Variants in CDH13 observed in about 807,000 individuals in gnomAD.
The protein encoded by CDH13 is cadherin-13.
CDH13 carries 24 observed loss-of-function variants against 63.8 expected under a neutral mutation model. The observed-to-expected ratio is 0.38, with a 90% CI of 0.27 to 0.53. CDH13 has a LOEUF of 0.53. CDH13 is among the 20% of genes least tolerant of loss of function. CDH13 has a pLI of 0.85. For synonymous variants in CDH13, 503 were observed against 355.3 expected, an observed-to-expected ratio of 1.42 and a Z score of -4.67; for missense variants, 1,049 against 903.1, an observed-to-expected ratio of 1.16 and a Z score of -2.07.
At chr16:82,955,184 T>C (rs1002527006) in intron 2 of CDH13, among the ~76,000 whole-genome samples, 1 of 152,214 alleles carries the variant, frequency 6.6e-6, no homozygotes, top group African/African-American at 2.4e-5. Flanking sequence ...TTTGAGGAAC[T>C]GCCAGATTCT....
intron 10 of CDH13, among the ~76,000 whole-genome samples, chr16:83,738,938 A>G (rs531236749): frequency 6.6e-6 from 1 of 152,262 alleles, no homozygotes; most frequent in East Asian, 1.9e-4. Flanking sequence ...GAGAAATAGG[A>G]ATTTAGTGAT....
intron 4 of CDH13, among the ~76,000 whole-genome samples, chr16:83,129,763 ACAG>A (rs1055699148): frequency 1.3e-5 from 2 of 152,256 alleles, no homozygotes; most frequent in African/African-American, 4.8e-5. Context: ...AGGATTCTGT[ACAG>A]CAGCCACCAG....
At chr16:82,741,728 A>T (rs1320767672) in intron 1 of CDH13, among the ~76,000 whole-genome samples, 1 of 152,208 alleles carries the variant, frequency 6.6e-6, no homozygotes, top group Non-Finnish European at 1.5e-5. Flanking sequence ...TAAAGACACT[A>T]TAAACAAATA....
chr16:83,000,938 T>G (rs1286526659), intron 2 of CDH13, among the ~76,000 whole-genome samples: 2 of 152,220 alleles, frequency 1.3e-5, no homozygotes, highest in Non-Finnish European at 2.9e-5. Flanking sequence ...TATGCCTATT[T>G]GCTTTTCTCT....
chr16:82,953,621 G>A (rs796874669), intron 2 of CDH13: 31 of 152,274 alleles, frequency 2.0e-4, no homozygotes, highest in African/African-American at 6.3e-4. Context: ...TAAAACATGG[G>A]TGAGAAAATA....
chr16:82,914,378 A>T (rs1317126960), intron 2 of CDH13, among the ~76,000 whole-genome samples: 1 of 152,188 alleles, frequency 6.6e-6, no homozygotes, highest in Non-Finnish European at 1.5e-5. Context: ...TTACAGGGAG[A>T]AAAAAATGAG....
chr16:82,786,678 C>T (rs1435034506), intron 1 of CDH13, among the ~76,000 whole-genome samples: 1 of 130,174 alleles, frequency 7.7e-6, no homozygotes, highest in East Asian at 2.7e-4. Flanking sequence ...CAACAGGGCC[C>T]AGTGTGTGAT....
At chr16:83,235,515 G>C (rs1258481754) in intron 5 of CDH13, among the ~76,000 whole-genome samples, 1 of 151,766 alleles carries the variant, frequency 6.6e-6, no homozygotes, top group Non-Finnish European at 1.5e-5. Context: ...CCCAAAATCT[G>C]AGAAATGACC....
At chr16:83,391,345 A>G (rs551866054) in intron 6 of CDH13, among the ~76,000 whole-genome samples, 1 of 152,062 alleles carries the variant, frequency 6.6e-6, no homozygotes, top group South Asian at 2.1e-4. Context: ...AGCTGGGATT[A>G]CAGGTGCCTA....
At chr16:83,332,870 C>T (rs1392998680) in intron 5 of CDH13, among the ~76,000 whole-genome samples, 3 of 151,952 alleles carry the variant, frequency 2.0e-5, no homozygotes, top group Non-Finnish European at 2.9e-5. Context: ...TGATTGTGAG[C>T]GTGCATACAC....
At chr16:83,327,024 G>A (rs540578994) in intron 5 of CDH13, among the ~76,000 whole-genome samples, 3 of 152,326 alleles carry the variant, frequency 2.0e-5, no homozygotes, top group African/African-American at 7.2e-5. Flanking sequence ...AAAAGATGTT[G>A]AGCTAGGGTT....
chr16:83,344,714 C>G, intron 5 of CDH13, 148 bp from the exon 6 acceptor site: 1 of 688,106 alleles, frequency 1.5e-6, no homozygotes, highest in Non-Finnish European at 2.4e-6. Context: ...CTATTCTAGT[C>G]CCAGTGACTA....
intron 2 of CDH13, among the ~76,000 whole-genome samples, chr16:82,957,288 C>G (rs1368883916): frequency 6.6e-6 from 1 of 152,064 alleles, no homozygotes; most frequent in Non-Finnish European, 1.5e-5. Flanking sequence ...CTTTGGGGGA[C>G]AAATAGAAGT....
chr16:82,675,375 G>A (rs1285030003), intron 1 of CDH13, among the ~76,000 whole-genome samples: 1 of 152,130 alleles, frequency 6.6e-6, no homozygotes, highest in African/African-American at 2.4e-5. Flanking sequence ...AAATGCTTAA[G>A]TCTATAAATG....
At chr16:83,311,099 G>A (rs182396579) in intron 5 of CDH13, among the ~76,000 whole-genome samples, 13 of 152,252 alleles carry the variant, frequency 8.5e-5, no homozygotes, top group East Asian at 3.9e-4. Flanking sequence ...CTGACGTCTC[G>A]GTTCTGTTCT....
intron 8 of CDH13, among the ~76,000 whole-genome samples, chr16:83,611,015 C>T (rs1265195061): frequency 6.6e-6 from 1 of 152,060 alleles, no homozygotes; most frequent in Non-Finnish European, 1.5e-5. Context: ...AGTGACATTT[C>T]CCTGAGGCTT....
At chr16:82,845,972 C>T (rs2039239757) in intron 1 of CDH13, among the ~76,000 whole-genome samples, 1 of 152,188 alleles carries the variant, frequency 6.6e-6, no homozygotes, top group African/African-American at 2.4e-5. Flanking sequence ...TCCATTTAGA[C>T]AAAAATTGTG....
At chr16:82,848,563 A>G (rs111687353) in intron 1 of CDH13, among the ~76,000 whole-genome samples, 1,416 of 138,350 alleles carry the variant, frequency 0.01, 21 homozygotes, top group African/African-American at 0.034. Context: ...TGATGTTACT[A>G]TTGTGATTTT....
intron 1 of CDH13, among the ~76,000 whole-genome samples, chr16:82,760,938 C>T (rs2034813935): frequency 6.6e-6 from 1 of 150,780 alleles, no homozygotes; most frequent in South Asian, 2.1e-4. Flanking sequence ...GGAAGCCATT[C>T]AGGAGGGATC....
Sources: allele counts gnomAD v4.1 joint callset (sites outside exome capture counted in the v4.1 genomes callset), GRCh38; gene constraint gnomAD v4.1.1; transcripts MANE v1.5; gene names NCBI Gene and HGNC (gene_info 2026-07-23, HGNC 2026-07-21).